NPIPB2: variants seen among roughly 807,000 people sequenced by gnomAD.
The protein encoded by NPIPB2 is nuclear pore complex interacting protein family member B2.
Under a neutral mutation model 30.8 loss-of-function variants are expected in NPIPB2, and 27 were observed. The observed-to-expected ratio is 0.88, with a 90% confidence interval of 0.65 to 1.21. NPIPB2 has a LOEUF of 1.21. Ranked by LOEUF, NPIPB2 falls within the 50% of genes most tolerant of loss-of-function variation. NPIPB2 has a pLI of 0.00. For missense variants in NPIPB2, 440 were observed against 446.2 expected, an observed-to-expected ratio of 0.99 and a Z score of 0.13; for synonymous variants, 147 against 162.0, an observed-to-expected ratio of 0.91 and a Z score of 0.70.
At position 11,933,817 on chromosome 16, in the gene NPIPB2, A is replaced by C. The variant is rs1409718547; in HGVS notation, c.292+8T>G. ...TTCCACACTATGGGGACTCCAACAG[A>C]GCCATACCTTCCTGTCTACGGCGGT... On this transcript the variant is annotated splice_region_variant and intron_variant, in intron 3 of 7. Transcript: ENST00000399147. The C allele has an allele frequency of 2.9e-5, 46 of 1,589,442 alleles. No homozygotes were observed. The highest frequency in any genetic ancestry group is 3.7e-5 in the Non-Finnish European group (43 of 1,172,488).
At chr16:11,941,147 C>T (rs1218724294) in intron 1 of NPIPB2, 9 of 1,490,838 alleles carry the variant, frequency 6.0e-6, no homozygotes, top group Non-Finnish European at 7.2e-6. Flanking sequence ...GAAGAAACCC[C>T]GCGGGTCCAG....
At chr16:11,950,003 T>A (rs1479323362) in intron 1 of NPIPB2, among the ~76,000 whole-genome samples, 1 of 152,166 alleles carries the variant, frequency 6.6e-6, no homozygotes, top group Non-Finnish European at 1.5e-5. Flanking sequence ...TGCAACCACA[T>A]AAGCCTTGAA....
chr16:11,940,545 T>A lies in NPIPB2; in HGVS notation c.63+1438A>T, dbSNP rs547576188. Among the ~76,000 whole-genome samples the A allele has an allele frequency of 1.6e-4, 20 of 126,778 alleles. 1 individual carries two copies. The East Asian group carries it at 4.6e-3, about 29-fold the overall frequency. The allele number at this position is 126,778 out of a possible 152,430, so 83.2% of individuals were successfully genotyped here. A position where few individuals can be genotyped will look rare whatever the true frequency, so the allele number is the denominator to read the frequency against. ...CGAGGTCAAGAGATGGAGACTATCC[T>A]GGCGAACATGGTGAAACCCCGTCTC... On this transcript the variant is annotated intron_variant, in intron 1 of 7. Coordinates refer to ENST00000399147, the Ensembl canonical transcript of NPIPB2.
At chr16:11,955,185 C>T (rs2055099578) in intron 1 of NPIPB2, among the ~76,000 whole-genome samples, 1 of 151,850 alleles carries the variant, frequency 6.6e-6, no homozygotes, top group South Asian at 2.1e-4. Context: ...GAAACCCCAT[C>T]TCTACTAAAA....
chr16:11,944,479 T>G (rs568804718), upstream of NPIPB2, among the ~76,000 whole-genome samples: 1 of 151,740 alleles, frequency 6.6e-6, no homozygotes, highest in African/African-American at 2.4e-5. Flanking sequence ...AAATTTTTTA[T>G]AGGCAGAGTG....
rs180992520 is a variant in NPIPB2 at position 11,966,325 on chromosome 16, C to T, written c.-584+10243G>A. Reference sequence around the variant, plus strand: ...AGATAAACTCTGAACCATTAAAGGACGAGTTTAAAAACACAGGTTGGTTTG... The same window carrying T: ...AGATAAACTCTGAACCATTAAAGGATGAGTTTAAAAACACAGGTTGGTTTG... On this transcript the variant is annotated intron_variant, in intron 1 of 5. Transcript: ENST00000538896. The T allele has an allele frequency of 4.6e-5, 74 of 1,611,856 alleles. No individual in the cohort carries two copies. In the East Asian group the frequency reaches 1.5e-3, roughly 32 times the overall value.
intron 1 of NPIPB2, chr16:11,967,151 C>T: frequency 5.1e-6 from 1 of 197,342 alleles, no homozygotes; most frequent in Non-Finnish European, 1.1e-5. Flanking sequence ...TAGGTATGTG[C>T]CATCACCTCC....
intron 1 of NPIPB2, among the ~76,000 whole-genome samples, chr16:11,954,574 G>C (rs1461688389): frequency 6.6e-6 from 1 of 151,590 alleles, no homozygotes; most frequent in African/African-American, 2.4e-5. Flanking sequence ...GAAGAAAAAA[G>C]ACTCGATACA....
chr16:11,967,995 T>G (rs966299613), intron 1 of NPIPB2: 2 of 881,308 alleles, frequency 2.3e-6, no homozygotes, highest in East Asian at 5.4e-5. Context: ...TTAGATATAT[T>G]TCTCTAGGTT....
At chr16:11,950,314 G>A (rs2055050758) in intron 1 of NPIPB2, among the ~76,000 whole-genome samples, 1 of 152,122 alleles carries the variant, frequency 6.6e-6, no homozygotes, top group Non-Finnish European at 1.5e-5. Context: ...GGGATTACAG[G>A]CATGAGCCAC....
rs1307049313 is a variant in NPIPB2, at chr16:11,931,433, C to T, written c.489-882G>A. The stretch of plus-strand genomic sequence containing the variant: ...GGAAGGATGTGTAAAATTCCCAGAA[C>T]GCTAGGAAACAGGGGCGAAAACACT... On this transcript the variant is annotated intron_variant, in intron 4 of 7. Transcript: ENST00000399147. Among the ~76,000 whole-genome samples, 17 of 147,146 alleles carry T rather than the reference C, an allele frequency of 1.2e-4. 1 individual carries two copies. The highest frequency in any genetic ancestry group is 4.0e-4 in the East Asian group (2 of 4,978).
At chr16:11,938,928 A>C (rs1484217342) in intron 1 of NPIPB2, among the ~76,000 whole-genome samples, 1 of 150,956 alleles carries the variant, frequency 6.6e-6, no homozygotes, top group African/African-American at 2.4e-5. Context: ...TTGTATTTTT[A>C]GTAGAAACAG....
intron 2 of NPIPB2, among the ~76,000 whole-genome samples, chr16:11,935,722 TA>T (rs900468309): frequency 6.8e-6 from 1 of 147,142 alleles, no homozygotes; most frequent in African/African-American, 2.5e-5. Context: ...ATGGGTAATC[TA>T]AAAAGATGAA....
upstream of NPIPB2, among the ~76,000 whole-genome samples, chr16:11,943,782 A>G (rs1353320044): frequency 6.6e-6 from 1 of 151,236 alleles, no homozygotes; most frequent in Non-Finnish European, 1.5e-5. Flanking sequence ...GTGGATCACA[A>G]GGTCAGGAGA....
At chr16:11,944,143 C>G (rs1009970196), upstream of NPIPB2, among the ~76,000 whole-genome samples, 10 of 151,102 alleles carry the variant, frequency 6.6e-5, no homozygotes, top group African/African-American at 2.4e-4. Flanking sequence ...AACACCAGTA[C>G]TGCCTGTGAT....
At chr16:11,951,558 T>A (rs1021595921) in intron 1 of NPIPB2, among the ~76,000 whole-genome samples, 2 of 149,090 alleles carry the variant, frequency 1.3e-5, no homozygotes, top group African/African-American at 5.0e-5. Context: ...TACATCCTTC[T>A]CCTCAATACA....
At chr16:11,961,423 T>C (rs530414846) in intron 1 of NPIPB2, among the ~76,000 whole-genome samples, 1 of 152,110 alleles carries the variant, frequency 6.6e-6, no homozygotes. Flanking sequence ...AAAAAAAAAG[T>C]ATTTTTTTAA....
chr16:11,942,073 A>G (rs138246880), upstream of NPIPB2: 3,356 of 1,484,802 alleles, frequency 2.3e-3, 68 homozygotes, highest in African/African-American at 0.042. Context: ...TCCCGATAGT[A>G]AACCATCTCC....
chr16:11,971,273 A>G (rs912233340), intron 1 of NPIPB2, among the ~76,000 whole-genome samples: 2 of 152,206 alleles, frequency 1.3e-5, no homozygotes, highest in African/African-American at 4.8e-5. Context: ...TGAGTGACCA[A>G]TGGCCATGAC....
Sources: gnomAD v4.1 joint callset for allele counts (sites outside exome capture counted in the v4.1 genomes callset) on GRCh38, gnomAD v4.1.1 for gene constraint, MANE v1.5 for transcripts, NCBI Gene and HGNC (gene_info 2026-07-23, HGNC 2026-07-21) for gene names.